SIGLECL1: variants seen among roughly 807,000 people sequenced by gnomAD.
The protein encoded by SIGLECL1 is SIGLEC family like 1.
In SIGLECL1, 16 loss-of-function variants were observed where a neutral mutation model predicts 19.1. The observed-to-expected ratio is 0.84, with a 90% CI of 0.57 to 1.27. The LOEUF (loss-of-function observed/expected upper bound fraction) is 1.27. SIGLECL1 is among the 50% of genes most tolerant of loss of function. SIGLECL1 has a pLI of 0.00. For synonymous variants in SIGLECL1, 89 were observed against 90.4 expected, an observed-to-expected ratio of 0.98 and a Z score of 0.09; for missense variants, 210 against 239.4, an observed-to-expected ratio of 0.88 and a Z score of 0.81.
upstream of SIGLECL1, among the ~76,000 whole-genome samples, chr19:51,248,306 A>G (rs1357371879): frequency 6.6e-6 from 1 of 152,158 alleles, no homozygotes; most frequent in African/African-American, 2.4e-5. Flanking sequence ...CGATCAAACC[A>G]ATCTATGAGC....
At chr19:51,268,454 C>G (rs1268484980) in intron 5 of SIGLECL1, 117 bp from the exon 6 acceptor site, 1 of 1,090,442 alleles carries the variant, frequency 9.2e-7, no homozygotes, top group Non-Finnish European at 1.4e-6. Flanking sequence ...CCAGTGCTCA[C>G]TCCATGTTGC....
chr19:51,267,358 G>C lies in SIGLECL1; in HGVS notation c.411-15G>C, dbSNP rs763528321. On this transcript the variant is annotated splice_polypyrimidine_tract_variant and intron_variant, in intron 4 of 5. Transcript: ENST00000601727. ...AGATGGAGAGCCAGAACCAATCCAA[G>C]GCTTATTTCCTTAGAGTGAAACATA... The C allele has an allele frequency of 6.2e-7, 1 of 1,607,736 alleles. No homozygotes were observed. Among genetic ancestry groups the C allele is most frequent in the Non-Finnish European group, 8.5e-7 (1 of 1,179,370 alleles).
At chr19:51,264,152 T>C (rs748300617) in intron 2 of SIGLECL1, 58 bp downstream of exon 2, 436 of 1,606,638 alleles carry the variant, frequency 2.7e-4, no homozygotes, top group Non-Finnish European at 3.7e-4. Context: ...CTCCAGGGCC[T>C]GGGTGTTGGC....
chr19:51,263,567 G>T (rs1440612001), intron 1 of SIGLECL1, among the ~76,000 whole-genome samples: 2 of 152,080 alleles, frequency 1.3e-5, no homozygotes, highest in Admixed American at 1.3e-4. Flanking sequence ...AGACCAGCCT[G>T]GCCAACATGG....
At chr19:51,258,152 G>C (rs1461586620) in intron 1 of SIGLECL1, among the ~76,000 whole-genome samples, 1 of 152,146 alleles carries the variant, frequency 6.6e-6, no homozygotes, top group East Asian at 1.9e-4. Context: ...CCAAACCTAA[G>C]GGTAGTTTTG....
intron 4 of SIGLECL1, 85 bp downstream of exon 4, chr19:51,265,967 G>A (rs1983640403): frequency 7.4e-7 from 1 of 1,354,156 alleles, no homozygotes; most frequent in Non-Finnish European, 1.1e-6. Context: ...AGCAAAGACA[G>A]GACCCCTCCC....
intron 1 of SIGLECL1, among the ~76,000 whole-genome samples, chr19:51,253,644 T>C (rs1302818168): frequency 6.6e-6 from 1 of 152,234 alleles, no homozygotes; most frequent in Non-Finnish European, 1.5e-5. Flanking sequence ...ATACTGTGTG[T>C]CACATCAGGG....
chr19:51,254,903 A>G (rs1351660212), intron 1 of SIGLECL1, among the ~76,000 whole-genome samples: 1 of 152,210 alleles, frequency 6.6e-6, no homozygotes, highest in East Asian at 1.9e-4. Flanking sequence ...AAAACTAGAT[A>G]CTCACATGGA....
At chr19:51,250,164 G>A (rs150882465), upstream of SIGLECL1, among the ~76,000 whole-genome samples, 19 of 151,476 alleles carry the variant, frequency 1.3e-4, no homozygotes, top group African/African-American at 4.6e-4. Flanking sequence ...TCGGCTCACT[G>A]CAACTTCCAC....
In SIGLECL1 at chr19:51,265,837, C is replaced by A. The variant is rs145455195; in HGVS notation, c.365C>A (p.Ala122Glu). The change falls in exon 4 of 6, where the codon GCG becomes GAG. Residue 122 changes from alanine (A) to glutamate (E), a missense_variant. Coordinates refer to ENST00000601727, the MANE Select transcript of SIGLECL1 (RefSeq NM_001385465.1). ...GGGCTGATCCAGGGTGCTATCTATG[C>A]GGGAATTGTAATTGCGCTGCTCTTC... Reference protein sequence around the residue: ...VKGLIQGAIYAGIVIALLFLC... With the variant: ...VKGLIQGAIYEGIVIALLFLC... 67 of 1,614,086 alleles carry A rather than the reference C, an allele frequency of 4.2e-5. No individual in the cohort carries two copies. The Middle Eastern group carries it at 1.5e-3, about 36-fold the overall frequency.
At chr19:51,248,664 A>G (rs1982343083), upstream of SIGLECL1, among the ~76,000 whole-genome samples, 1 of 152,234 alleles carries the variant, frequency 6.6e-6, no homozygotes, top group South Asian at 2.1e-4. Flanking sequence ...GCTGACATTC[A>G]TGAATCCAGA....
At chr19:51,267,291 C>G in intron 4 of SIGLECL1, 82 bp from the exon 5 acceptor site, 1 of 1,521,388 alleles carries the variant, frequency 6.6e-7, no homozygotes, top group Non-Finnish European at 8.8e-7. Flanking sequence ...GGCTCTAAAT[C>G]AGAAGTTCTG....
At chr19:51,252,632 C>A (rs909575561) in intron 1 of SIGLECL1, among the ~76,000 whole-genome samples, 2 of 151,946 alleles carry the variant, frequency 1.3e-5, no homozygotes, top group African/African-American at 4.8e-5. Context: ...GGATATGTGG[C>A]GTGAATGAGA....
intron 1 of SIGLECL1, among the ~76,000 whole-genome samples, chr19:51,254,442 A>G (rs1255612414): frequency 1.3e-5 from 2 of 152,234 alleles, no homozygotes; most frequent in Non-Finnish European, 2.9e-5. Flanking sequence ...ACAATGGAAT[A>G]TTATTCAACG....
At chr19:51,254,163 A>C (rs1362214130) in intron 1 of SIGLECL1, among the ~76,000 whole-genome samples, 1 of 152,058 alleles carries the variant, frequency 6.6e-6, no homozygotes, top group Non-Finnish European at 1.5e-5. Flanking sequence ...CTCTCTACAG[A>C]AAATATTTTT....
At chr19:51,257,962 G>A (rs1195609485) in intron 1 of SIGLECL1, 2 of 152,228 alleles carry the variant, frequency 1.3e-5, no homozygotes, top group Non-Finnish European at 2.9e-5. Context: ...GGAAAGCTAA[G>A]TTATGCTGTC....
At chr19:51,268,419 C>G in intron 5 of SIGLECL1, 152 bp from the exon 6 acceptor site, 1 of 801,064 alleles carries the variant, frequency 1.2e-6, no homozygotes, top group Non-Finnish European at 2.2e-6. Context: ...AGGCTTTAAC[C>G]ATGGGGTTGT....
upstream of SIGLECL1, among the ~76,000 whole-genome samples, chr19:51,249,284 A>C (rs1982361352): frequency 6.6e-6 from 1 of 152,136 alleles, no homozygotes; most frequent in South Asian, 2.1e-4. Context: ...TTACAAAGCA[A>C]GGAGGTAGAA....
At chr19:51,246,952 G>T (rs914668974), upstream of SIGLECL1, among the ~76,000 whole-genome samples, 3 of 152,180 alleles carry the variant, frequency 2.0e-5, no homozygotes, top group African/African-American at 4.8e-5. Flanking sequence ...GAAGTTAATC[G>T]CTTACGTCCA....
Sources: allele counts gnomAD v4.1 joint callset (sites outside exome capture counted in the v4.1 genomes callset), GRCh38; gene constraint gnomAD v4.1.1; transcripts MANE v1.5; gene names NCBI Gene and HGNC (gene_info 2026-07-23, HGNC 2026-07-21).